The following GABBR2 variants were observed in gnomAD, a reference collection of about 807,000 sequenced individuals.
The protein encoded by GABBR2 is gamma-aminobutyric acid type B receptor subunit 2.
A neutral mutation model predicts 105.6 loss-of-function variants in GABBR2; 23 were observed. That is an observed-to-expected ratio of 0.22 (90% CI 0.16 to 0.31). The LOEUF is 0.31. GABBR2 is among the 10% of genes least tolerant of loss of function. The pLI is 1.00. For synonymous variants in GABBR2, 478 were observed against 499.7 expected (o/e 0.96, Z 0.58); for missense variants, 734 against 1,245.5 (o/e 0.59, Z 6.18).
At chr9:98,637,960 T>C (rs942791770) in intron 1 of GABBR2, among the ~76,000 whole-genome samples, 1 of 152,222 alleles carries the variant, frequency 6.6e-6, no homozygotes, top group African/African-American at 2.4e-5. Context: ...ACATGTAGTA[T>C]TCCATTTAAC....
At chr9:98,391,094 T>C (rs1412092656) in intron 9 of GABBR2, among the ~76,000 whole-genome samples, 1 of 152,132 alleles carries the variant, frequency 6.6e-6, no homozygotes, top group African/African-American at 2.4e-5. Flanking sequence ...TTAATGATGA[T>C]TAATCACAAT....
At chr9:98,365,945 G>T (rs1588124102) in intron 12 of GABBR2, among the ~76,000 whole-genome samples, 1 of 152,150 alleles carries the variant, frequency 6.6e-6, no homozygotes, top group African/African-American at 2.4e-5. Flanking sequence ...TTCTCTCTGG[G>T]TTACGTCAGT....
At chr9:98,494,733 G>C (rs1173966931) in intron 4 of GABBR2, among the ~76,000 whole-genome samples, 1 of 152,208 alleles carries the variant, frequency 6.6e-6, no homozygotes, top group East Asian at 1.9e-4. Context: ...CTGGCCTGTG[G>C]TCAATGCACT....
At chr9:98,380,191 G>A (rs1831946981) in intron 11 of GABBR2, among the ~76,000 whole-genome samples, 1 of 152,238 alleles carries the variant, frequency 6.6e-6, no homozygotes, top group South Asian at 2.1e-4. Flanking sequence ...GCCCCTGGCT[G>A]AAAGCTGGCC....
At chr9:98,490,429 C>G (rs945561387) in intron 4 of GABBR2, among the ~76,000 whole-genome samples, 3 of 152,114 alleles carry the variant, frequency 2.0e-5, no homozygotes, top group Admixed American at 2.0e-4. Flanking sequence ...AGTTCTCTGA[C>G]CTGTGTGCTG....
intron 14 of GABBR2, 72 bp downstream of exon 14, chr9:98,311,022 TG>T: frequency 1.2e-6 from 1 of 802,708 alleles, no homozygotes. Flanking sequence ...TTTACATTGA[TG>T]GAGGCCCCTG....
At chr9:98,638,543 T>A (rs981565667) in intron 1 of GABBR2, among the ~76,000 whole-genome samples, 4 of 152,126 alleles carry the variant, frequency 2.6e-5, no homozygotes, top group Non-Finnish European at 5.9e-5. Flanking sequence ...AGCCAGTGCC[T>A]TTATACAAAG....
intron 3 of GABBR2, among the ~76,000 whole-genome samples, chr9:98,508,597 T>C (rs2779561): frequency 0.96 from 146,674 of 152,242 alleles, 70,715 homozygotes; most frequent in African/African-American, 0.99. Context: ...GCTTAAAAAA[T>C]GGCGCACCAG....
intron 8 of GABBR2, among the ~76,000 whole-genome samples, chr9:98,400,022 A>AC (rs1344890271): frequency 9.1e-5 from 13 of 143,390 alleles, no homozygotes; most frequent in African/African-American, 3.7e-4. Context: ...CATGAAAAAA[A>AC]AAAAAAAAAA....
intron 13 of GABBR2, among the ~76,000 whole-genome samples, chr9:98,319,086 T>A (rs1830775420): frequency 6.6e-6 from 1 of 152,140 alleles, no homozygotes; most frequent in South Asian, 2.1e-4. Context: ...GAAAGGGCCC[T>A]GGACTCAGAT....
At chr9:98,677,977 C>CCTAG (rs1830495983) in intron 1 of GABBR2, among the ~76,000 whole-genome samples, 1 of 152,192 alleles carries the variant, frequency 6.6e-6, no homozygotes, top group South Asian at 2.1e-4. Flanking sequence ...ATGTTACCTA[C>CCTAG]CTAGCTAGCT....
intron 15 of GABBR2, chr9:98,304,240 G>C (rs1264746442): frequency 1.3e-5 from 2 of 152,776 alleles, no homozygotes; most frequent in African/African-American, 2.4e-5. Context: ...GGGATGGTGG[G>C]GGGAAGGGAA....
chr9:98,384,970 A>C (rs1378475662), intron 11 of GABBR2, among the ~76,000 whole-genome samples: 1 of 152,194 alleles, frequency 6.6e-6, no homozygotes, highest in Non-Finnish European at 1.5e-5. Flanking sequence ...ACTTAAATAG[A>C]AAATAACAAT....
At chr9:98,371,096 C>T (rs568982) in intron 12 of GABBR2, among the ~76,000 whole-genome samples, 25,775 of 152,038 alleles carry the variant, frequency 0.17, 2,409 homozygotes, top group South Asian at 0.28. Context: ...GACCACCCTC[C>T]TCCCATCCCC....
intron 13 of GABBR2, among the ~76,000 whole-genome samples, chr9:98,341,822 G>A (rs1831219011): frequency 6.6e-6 from 1 of 152,212 alleles, no homozygotes; most frequent in Non-Finnish European, 1.5e-5. Context: ...TTGACAAAAG[G>A]TGAGGGTGTA....
At chr9:98,405,957 T>C in intron 8 of GABBR2, 124 bp downstream of exon 8, 2 of 668,116 alleles carry the variant, frequency 3.0e-6, no homozygotes, top group South Asian at 1.7e-5. Context: ...TGTTTTCAAT[T>C]GGCTCTGCTT....
At chr9:98,483,953 C>T (rs564019314) in intron 4 of GABBR2, among the ~76,000 whole-genome samples, 2 of 152,218 alleles carry the variant, frequency 1.3e-5, no homozygotes, top group African/African-American at 2.4e-5. Context: ...CATATGTCAA[C>T]AAATATGTGT....
chr9:98,360,446 C>T (rs76441791), intron 13 of GABBR2, among the ~76,000 whole-genome samples: 2,206 of 152,268 alleles, frequency 0.014, 18 homozygotes, highest in Non-Finnish European at 0.022. Flanking sequence ...GAAATCTCAG[C>T]ACACCCTGCA....
At chr9:98,329,607 T>C (rs944986220) in intron 13 of GABBR2, among the ~76,000 whole-genome samples, 1 of 152,204 alleles carries the variant, frequency 6.6e-6, no homozygotes. Context: ...ATCTCACCAA[T>C]GGGGCATCTC....
Sources: allele counts gnomAD v4.1 joint callset (sites outside exome capture counted in the v4.1 genomes callset), GRCh38; gene constraint gnomAD v4.1.1; transcripts MANE v1.5; gene names NCBI Gene and HGNC (gene_info 2026-07-23, HGNC 2026-07-21).